Variants in MDFIC observed in about 807,000 individuals in gnomAD.
MDFIC encodes MyoD family inhibitor domain containing.
In MDFIC, 17 loss-of-function variants were observed where a neutral mutation model predicts 23.2. The ratio of observed to expected loss-of-function variants is 0.73; its 90% CI spans 0.50 to 1.10. The LOEUF is 1.10. Among genes scored for constraint, MDFIC ranks in the 50% least tolerant of loss-of-function variants. MDFIC has a pLI of 0.00. For synonymous variants in MDFIC, 120 were observed against 115.2 expected (o/e 1.04, Z -0.27); for missense variants, 356 against 316.6 (o/e 1.12, Z -0.95).
rs1474662209 is a variant in MDFIC, at chr7:114,942,355, C to A, written c.175C>A (p.Gln59Lys). ...CTTCACACATGGAGAGATGCAAGACCAGTCCATTTGGGGAAATCCTTCGGA... is the reference window on the plus strand; with the variant it reads ...CTTCACACATGGAGAGATGCAAGACAAGTCCATTTGGGGAAATCCTTCGGA... ...SHFTHGEMQDQSIWGNPSDGE... is the reference protein window; with the variant it reads ...SHFTHGEMQDKSIWGNPSDGE... The change falls in exon 3 of 5, where the codon CAG (glutamine) becomes AAG (lysine). Residue 59 changes from glutamine to lysine, a missense_variant. By Grantham distance (53) the Gln-to-Lys change is moderately conservative. Coordinates refer to ENST00000393486, the MANE Select transcript of MDFIC (RefSeq NM_001166345.3). 6.2e-7 allele frequency: 1 copy of A among 1,605,130 alleles called. No homozygotes were observed. The highest frequency in any genetic ancestry group is 8.5e-7 in the Non-Finnish European group (1 of 1,175,254).
intron 2 of MDFIC, among the ~76,000 whole-genome samples, chr7:114,940,955 A>G (rs1792524907): frequency 6.6e-6 from 1 of 151,900 alleles, no homozygotes; most frequent in Admixed American, 6.6e-5. Context: ...ACTCTTATCA[A>G]CTTCAATATG....
chr7:114,935,011 A>G (rs1412303519), intron 2 of MDFIC, among the ~76,000 whole-genome samples: 1 of 152,076 alleles, frequency 6.6e-6, no homozygotes, highest in Non-Finnish European at 1.5e-5. Flanking sequence ...TGGTTTTTTA[A>G]AGGTTACAGT....
intron 4 of MDFIC, among the ~76,000 whole-genome samples, chr7:115,002,852 T>A (rs142411700): frequency 6.6e-6 from 1 of 152,204 alleles, no homozygotes; most frequent in Non-Finnish European, 1.5e-5. Flanking sequence ...AGTGAACATA[T>A]GTCAGTCTTT....
intron 3 of MDFIC, among the ~76,000 whole-genome samples, chr7:114,969,391 G>A (rs1793161435): frequency 6.6e-6 from 1 of 152,104 alleles, no homozygotes; most frequent in South Asian, 2.1e-4. Flanking sequence ...TGTCCACTGG[G>A]TGCTGAACAT....
At chr7:114,947,639 G>A (rs564121562) in intron 3 of MDFIC, among the ~76,000 whole-genome samples, 12 of 152,200 alleles carry the variant, frequency 7.9e-5, no homozygotes, top group Non-Finnish European at 5.9e-5. Flanking sequence ...ATTTTGAGCC[G>A]ATTTTTGTTT....
chr7:114,923,396 T>C (rs1792130486), intron 2 of MDFIC: 4 of 1,462,858 alleles, frequency 2.7e-6, no homozygotes, highest in South Asian at 2.4e-5. Context: ...TGCTTCTTTC[T>C]TAAGCATATG....
intron 4 of MDFIC, among the ~76,000 whole-genome samples, chr7:115,012,183 G>A (rs1326525845): frequency 6.6e-6 from 1 of 151,990 alleles, no homozygotes; most frequent in Admixed American, 6.5e-5. Flanking sequence ...ATTTAACAAA[G>A]GACCAGTATC....
intron 4 of MDFIC, among the ~76,000 whole-genome samples, chr7:115,008,868 G>A (rs1791624327): frequency 6.6e-6 from 1 of 152,188 alleles, no homozygotes; most frequent in African/African-American, 2.4e-5. Flanking sequence ...CAGTATCTAG[G>A]AAGAGGAAAG....
At position 114,922,392 on chromosome 7, in the gene MDFIC, G is replaced by A. The variant is rs1792098226; in HGVS notation, c.-352G>A. 5.7e-6 allele frequency: 7 copies of A among 1,237,036 alleles called. No individual in the cohort carries two copies. The highest frequency in any genetic ancestry group is 5.1e-6 in the Non-Finnish European group (5 of 989,186). The allele number at this position is 1,237,036 out of a possible 1,614,324, so 76.6% of individuals were successfully genotyped here. A position where few individuals can be genotyped will look rare whatever the true frequency, so the allele number is the denominator to read the frequency against. ...CCCTCGCAGGGGAGCCGGCTGGAGTGAGCTGGCTGGAAAGAGGGGGCGGAG... is the reference window on the plus strand; with the variant it reads ...CCCTCGCAGGGGAGCCGGCTGGAGTAAGCTGGCTGGAAAGAGGGGGCGGAG... On this transcript the variant is annotated 5_prime_UTR_variant, in exon 1 of 5. Transcript: ENST00000393486.
At chr7:114,949,033 AAT>A (rs1385289771) in intron 3 of MDFIC, among the ~76,000 whole-genome samples, 4 of 152,286 alleles carry the variant, frequency 2.6e-5, no homozygotes, top group Admixed American at 1.3e-4. Flanking sequence ...ATTGGATAAG[AAT>A]ATTTTTAAAG....
rs1792091477 is a variant in MDFIC at position 114,922,154 on chromosome 7, C to G, written c.-590C>G. 3 of 354,260 alleles carry G rather than the reference C, an allele frequency of 8.5e-6. No individual in the cohort carries two copies. In the East Asian group the frequency reaches 1.2e-4, roughly 15 times the overall value. The allele number at this position is 354,260 out of a possible 1,614,324, so 21.9% of individuals were successfully genotyped here. A position where few individuals can be genotyped will look rare whatever the true frequency, so the allele number is the denominator to read the frequency against. ...CGCCCGGGTGGGGAGCCCGAGCCAG[C>G]CCAGGCCGGCTCTGGCCTCCTGACC... On this transcript the variant is annotated 5_prime_UTR_variant, in exon 1 of 5. Coordinates refer to ENST00000393486, the MANE Select transcript of MDFIC (RefSeq NM_001166345.3).
At chr7:114,993,615 T>C (rs900747110) in intron 4 of MDFIC, among the ~76,000 whole-genome samples, 2 of 152,222 alleles carry the variant, frequency 1.3e-5, no homozygotes, top group African/African-American at 4.8e-5. Context: ...TACCCAGTAG[T>C]CATTCAGGAG....
intron 4 of MDFIC, among the ~76,000 whole-genome samples, chr7:114,982,159 TGAG>T (rs1203596289): frequency 6.6e-6 from 1 of 152,166 alleles, no homozygotes; most frequent in Non-Finnish European, 1.5e-5. Flanking sequence ...GATCTCTTGT[TGAG>T]GAAACACCTA....
chr7:114,938,100 G>T (rs2115740267), intron 2 of MDFIC, among the ~76,000 whole-genome samples: 1 of 152,240 alleles, frequency 6.6e-6, no homozygotes, highest in African/African-American at 2.4e-5. Flanking sequence ...GAGATTGCAG[G>T]AATGTGCCAC....
rs560714985 is a variant in MDFIC, at chr7:114,983,897, T to C, written c.493+4116T>C. Among the ~76,000 whole-genome samples, 8 of 152,238 alleles carry C rather than the reference T, an allele frequency of 5.3e-5. No individual in the cohort carries two copies. The South Asian group carries it at 1.2e-3, about 24-fold the overall frequency. On this transcript the variant is annotated intron_variant, in intron 4 of 4. Transcript: ENST00000393486. ...GTGCCTTCTATGTGCTACTTGCTTCTCTCACATGAACTCATTTAGTCCTCC... is the reference window on the plus strand; with the variant it reads ...GTGCCTTCTATGTGCTACTTGCTTCCCTCACATGAACTCATTTAGTCCTCC...
In MDFIC at chr7:115,015,792, T is replaced by C; in HGVS notation, c.598T>C (p.Cys200Arg). The change falls in exon 5 of 5, where the codon TGC (cysteine) becomes CGC (arginine). Residue 200 changes from cysteine to arginine, a missense_variant. By Grantham distance (180) the Cys-to-Arg change is radical (BLOSUM62 -3). Coordinates refer to ENST00000393486, the MANE Select transcript of MDFIC (RefSeq NM_001166345.3). ...ASCGICTSEA[C>R]CCCCGDEMGD... ...ATGTGGCATCTGCACCTCAGAAGCC[T>C]GCTGCTGTTGCTGTGGTGACGAGAT... The C allele has an allele frequency of 6.2e-7, 1 of 1,614,236 alleles. No individual in the cohort carries two copies. Among genetic ancestry groups the C allele is most frequent in the Admixed American group, 1.7e-5 (1 of 60,024 alleles).
chr7:114,962,096 A>G (rs966524850), intron 3 of MDFIC, among the ~76,000 whole-genome samples: 1 of 152,162 alleles, frequency 6.6e-6, no homozygotes, highest in Admixed American at 6.5e-5. Context: ...TTTTTTCTAG[A>G]TATCATGTCA....
chr7:114,926,258 A>G (rs921872880), intron 2 of MDFIC, among the ~76,000 whole-genome samples: 4 of 152,174 alleles, frequency 2.6e-5, no homozygotes, highest in Non-Finnish European at 4.4e-5. Flanking sequence ...ATTTAATCCA[A>G]CCCGCTCATT....
Position 115,015,918 on chromosome 7 carries a change from A to G in MDFIC, c.724A>G (p.Ile242Val). ...CLEICMECCG[I>V]CFPS Reference sequence around the variant, plus strand: ...GGAAATCTGTATGGAATGCTGTGGAATTTGTTTTCCTTCATAAATATTTAT... The same window carrying G: ...GGAAATCTGTATGGAATGCTGTGGAGTTTGTTTTCCTTCATAAATATTTAT... Residue 242 changes from isoleucine (I) to valine (V), a missense_variant, in exon 5 of 5, where the codon ATT becomes GTT. Coordinates refer to ENST00000393486, the MANE Select transcript of MDFIC (RefSeq NM_001166345.3). The G allele has an allele frequency of 6.2e-7, 1 of 1,612,662 alleles. No individual in the cohort carries two copies. Among genetic ancestry groups the G allele is most frequent in the Non-Finnish European group, 8.5e-7 (1 of 1,179,074 alleles).
Sources: allele counts gnomAD v4.1 joint callset (sites outside exome capture counted in the v4.1 genomes callset), GRCh38; gene constraint gnomAD v4.1.1; transcripts MANE v1.5; gene names NCBI Gene and HGNC (gene_info 2026-07-23, HGNC 2026-07-21).